The following PTGFR variants were observed in gnomAD, a reference collection of about 807,000 sequenced individuals.
PTGFR encodes prostaglandin F receptor.
A neutral mutation model predicts 26.2 loss-of-function variants in PTGFR; 15 were observed. The ratio of observed to expected loss-of-function variants is 0.57; its 90% confidence interval spans 0.38 to 0.88. The LOEUF is 0.88. PTGFR is among the 40% of genes least tolerant of loss of function. The pLI is 0.00. For missense variants in PTGFR, 369 were observed against 427.2 expected (o/e 0.86, Z 1.20); for synonymous variants, 165 against 151.1 (o/e 1.09, Z -0.68).
chr1:78,519,578 T>C (rs887245696), intron 2 of PTGFR, among the ~76,000 whole-genome samples: 3 of 152,134 alleles, frequency 2.0e-5, no homozygotes, highest in Non-Finnish European at 4.4e-5. Flanking sequence ...ACCATGGGCC[T>C]GTGCACATGT....
chr1:78,532,213 C>A, intron 2 of PTGFR: 1 of 402,434 alleles, frequency 2.5e-6, no homozygotes, highest in East Asian at 1.1e-4. Context: ...GCTTTTAAAG[C>A]GATAAGACAC....
At position 78,536,507 on chromosome 1, in the gene PTGFR, T is replaced by A; in HGVS notation, c.900T>A (p.Asp300Glu). ...LRMATWNQILDPWVYILLRKA... is the reference protein window; with the variant it reads ...LRMATWNQILEPWVYILLRKA... The stretch of plus-strand genomic sequence containing the variant: ...TGGCAACATGGAATCAAATCTTAGA[T>A]CCTTGGGTATATATTCTTCTACGAA... Residue 300 changes from aspartate (D) to glutamate (E), a missense_variant, in exon 3 of 3, where the codon GAT (aspartate) becomes GAA (glutamate). Physicochemically the swap from Asp to Glu is conservative, Grantham distance 45. Transcript: ENST00000370757. The A allele has an allele frequency of 1.2e-6, 2 of 1,613,242 alleles. No individual in the cohort carries two copies. The highest frequency in any genetic ancestry group is 1.7e-6 in the Non-Finnish European group (2 of 1,179,402).
intron 2 of PTGFR, among the ~76,000 whole-genome samples, chr1:78,526,477 C>T (rs1047185548): frequency 6.6e-6 from 1 of 152,012 alleles, no homozygotes; most frequent in African/African-American, 2.4e-5. Context: ...GTTTTAACAC[C>T]ATAGCCACAG....
chr1:78,520,828 A>G (rs1650204613), intron 2 of PTGFR, among the ~76,000 whole-genome samples: 1 of 152,078 alleles, frequency 6.6e-6, no homozygotes, highest in South Asian at 2.1e-4. Context: ...GTAGGTAGGT[A>G]TATATGCTTT....
At position 78,540,044 on chromosome 1, in the gene PTGFR, C is replaced by T. The variant is rs569887943; in HGVS notation, c.*3357C>T. Among the ~76,000 whole-genome samples, 4 of 152,126 alleles carry T rather than the reference C, an allele frequency of 2.6e-5. No individual in the cohort carries two copies. The highest frequency in any genetic ancestry group is 4.4e-5 in the Non-Finnish European group (3 of 67,962). The stretch of plus-strand genomic sequence containing the variant: ...ATAAGAAACAATCTCCAAATTACAG[C>T]GCCATAAACTTCACAAAAGTTTGTA... On this transcript the variant is annotated 3_prime_UTR_variant, in exon 3 of 3. Coordinates refer to ENST00000370757, the MANE Select transcript of PTGFR (RefSeq NM_000959.4).
intron 2 of PTGFR, among the ~76,000 whole-genome samples, chr1:78,532,535 T>C (rs887223072): frequency 6.7e-6 from 1 of 148,670 alleles, no homozygotes; most frequent in Admixed American, 6.7e-5. Context: ...TTTGTGTGTG[T>C]ATATATGTGT....
At position 78,493,400 on chromosome 1, in the gene PTGFR, C is replaced by A; in HGVS notation, c.657C>A (p.Cys219Ter). 2 of 1,613,674 alleles carry A rather than the reference C, an allele frequency of 1.2e-6. No individual in the cohort carries two copies. The highest frequency in any genetic ancestry group is 1.7e-6 in the Non-Finnish European group (2 of 1,179,846). ...GLLALGVSLL[C>*]NAITGITLLR... is the part of the protein sequence containing the mutation. ...TAGCCCTTGGTGTTTCATTGTTGTGCAATGCAATCACAGGAATTACACTTT... is the reference window on the plus strand; with the variant it reads ...TAGCCCTTGGTGTTTCATTGTTGTGAAATGCAATCACAGGAATTACACTTT... Residue 219 changes from cysteine (C) to a stop codon, truncating the protein, a stop_gained, in exon 2 of 3, where the codon TGC (cysteine) becomes TGA (stop). Coordinates refer to ENST00000370757, the MANE Select transcript of PTGFR (RefSeq NM_000959.4). LOFTEE classifies it high-confidence loss of function.
At chr1:78,518,038 T>G (rs999078952) in intron 2 of PTGFR, among the ~76,000 whole-genome samples, 2 of 152,124 alleles carry the variant, frequency 1.3e-5, no homozygotes, top group African/African-American at 4.8e-5. Context: ...GATGACAGAT[T>G]GATAGGTGCA....
chr1:78,513,798 A>C (rs1238062829), intron 2 of PTGFR, among the ~76,000 whole-genome samples: 6 of 148,416 alleles, frequency 4.0e-5, no homozygotes, highest in Non-Finnish European at 9.2e-5. Context: ...GAGGACCTCC[A>C]CAGCCTTGCA....
intron 2 of PTGFR, among the ~76,000 whole-genome samples, chr1:78,530,133 T>A (rs1650468863): frequency 6.6e-6 from 1 of 152,132 alleles, no homozygotes; most frequent in Non-Finnish European, 1.5e-5. Context: ...AGATAAAAGG[T>A]ACTGAGCATT....
At chr1:78,526,460 C>G (rs1014380407) in intron 2 of PTGFR, among the ~76,000 whole-genome samples, 2 of 151,986 alleles carry the variant, frequency 1.3e-5, no homozygotes, top group African/African-American at 4.8e-5. Flanking sequence ...TAGAGAGAAC[C>G]TATACAGTTT....
At chr1:78,529,694 A>T (rs957482342) in intron 2 of PTGFR, among the ~76,000 whole-genome samples, 1 of 152,192 alleles carries the variant, frequency 6.6e-6, no homozygotes, top group African/African-American at 2.4e-5. Flanking sequence ...GGATTAAAAA[A>T]GTAAAAACAA....
chr1:78,536,875 TG>T lies in PTGFR; in HGVS notation c.*189del, dbSNP rs1321882144. ...ACAGGATAACTGTACATTTTTCACT[TG>T]TTTTTGCCAATGGGAGGTAGACACA... On this transcript the variant is annotated 3_prime_UTR_variant, in exon 3 of 3. Coordinates refer to ENST00000370757, the MANE Select transcript of PTGFR (RefSeq NM_000959.4). 4.0e-5 allele frequency: 27 copies of T among 681,264 alleles called. No individual in the cohort carries two copies. The highest frequency in any genetic ancestry group is 6.0e-5 in the Non-Finnish European group (26 of 435,248). The allele number at this position is 681,264 out of a possible 1,614,324, so 42.2% of individuals were successfully genotyped here.
chr1:78,496,573 A>C (rs577149981), intron 2 of PTGFR, among the ~76,000 whole-genome samples: 70 of 152,198 alleles, frequency 4.6e-4, no homozygotes, highest in Non-Finnish European at 8.7e-4. Context: ...GTAGAGGTAC[A>C]TGCACTAAAA....
At chr1:78,530,180 G>C (rs548316638) in intron 2 of PTGFR, among the ~76,000 whole-genome samples, 1 of 152,152 alleles carries the variant, frequency 6.6e-6, no homozygotes, top group Non-Finnish European at 1.5e-5. Flanking sequence ...GAATCTATTA[G>C]TGATACTTTT....
At position 78,492,802 on chromosome 1, in the gene PTGFR, C is replaced by G. The variant is rs1171700780; in HGVS notation, c.59C>G (p.Thr20Arg). ...CCTGCAGCTGCGCTTCTTTCAAACA[C>G]AACCTGCCAGACGGAAAACCGGCTT... ...VSPAAALLSN[T>R]TCQTENRLSV... The change falls in exon 2 of 3, where the codon ACA (threonine) becomes AGA (arginine). Residue 20 changes from threonine to arginine, a missense_variant. Physicochemically the swap from Thr to Arg is moderately conservative, Grantham distance 71. Coordinates refer to ENST00000370757, the MANE Select transcript of PTGFR (RefSeq NM_000959.4). 1.2e-6 allele frequency: 2 copies of G among 1,614,090 alleles called. No homozygotes were observed. The highest frequency in any genetic ancestry group is 1.7e-6 in the Non-Finnish European group (2 of 1,180,044).
rs114704272 is a variant in PTGFR, at chr1:78,535,554, T to C, written c.799-852T>C. ...AGCTTCACTTTTCAGTTTTACCTTT[T>C]GTTTACCTATTTCTTATTTGTTTGT... On this transcript the variant is annotated intron_variant, in intron 2 of 2. Transcript: ENST00000370757. Among the ~76,000 whole-genome samples, 426 of 152,298 alleles carry C rather than the reference T, an allele frequency of 2.8e-3. 3 individuals are homozygous for C. Among genetic ancestry groups the C allele is most frequent in the African/African-American group, 9.6e-3 (401 of 41,580 alleles).
chr1:78,519,106 T>G (rs545485584), intron 2 of PTGFR, among the ~76,000 whole-genome samples: 3 of 152,284 alleles, frequency 2.0e-5, no homozygotes, highest in South Asian at 2.1e-4. Flanking sequence ...AAAGATACCT[T>G]GATTTTTGTC....
At chr1:78,524,759 A>G (rs1650327491) in intron 2 of PTGFR, among the ~76,000 whole-genome samples, 3 of 151,978 alleles carry the variant, frequency 2.0e-5, no homozygotes, top group Admixed American at 2.0e-4. Flanking sequence ...TTCTCCTATG[A>G]AAAGAACAAA....
Sources: gnomAD v4.1 joint callset for allele counts (sites outside exome capture counted in the v4.1 genomes callset) on GRCh38, gnomAD v4.1.1 for gene constraint, MANE v1.5 for transcripts, NCBI Gene and HGNC (gene_info 2026-07-23, HGNC 2026-07-21) for gene names.